WHRN: variants seen among roughly 807,000 people sequenced by gnomAD.
The protein encoded by WHRN is whirlin.
A neutral mutation model predicts 68.3 loss-of-function variants in WHRN; 41 were observed. The observed-to-expected ratio is 0.60, with a 90% CI of 0.47 to 0.78. The LOEUF (loss-of-function observed/expected upper bound fraction) is 0.78. Ranked by LOEUF, WHRN falls within the 30% of genes least tolerant of loss-of-function variation. WHRN has a pLI of 0.00. For synonymous variants in WHRN, 560 were observed against 561.3 expected (o/e 1.00, Z 0.03); for missense variants, 1,243 against 1,244.7 (o/e 1.00, Z 0.02).
intron 1 of WHRN, among the ~76,000 whole-genome samples, chr9:114,491,179 G>A (rs1283360980): frequency 1.3e-5 from 2 of 152,134 alleles, no homozygotes; most frequent in Non-Finnish European, 2.9e-5. Flanking sequence ...GAATAGATAC[G>A]TTGATGGGAT....
In WHRN at chr9:114,402,694, G is replaced by A. The variant is rs1431207810; in HGVS notation, c.*60C>T. ...CCGCAAGGAGCTTGATGAAGCCAAC[G>A]GTGGAAAGGGACTGGGACCAGGGGC... On this transcript the variant is annotated 3_prime_UTR_variant, in exon 12 of 12. Coordinates refer to ENST00000362057, the MANE Select transcript of WHRN (RefSeq NM_015404.4). The A allele has an allele frequency of 5.6e-6, 9 of 1,605,596 alleles. No homozygotes were observed. The East Asian group carries it at 1.6e-4, about 28-fold the overall frequency.
intron 3 of WHRN, among the ~76,000 whole-genome samples, chr9:114,427,158 C>T (rs947533348): frequency 2.0e-5 from 3 of 152,180 alleles, no homozygotes; most frequent in East Asian, 1.9e-4. Context: ...CTTGGGAGTC[C>T]GAGGCAGGAG....
intron 6 of WHRN, among the ~76,000 whole-genome samples, 157 bp from the exon 7 acceptor site, chr9:114,423,680 C>T (rs1226382493): frequency 5.3e-5 from 8 of 152,148 alleles, no homozygotes; most frequent in Admixed American, 2.6e-4. Context: ...GGCCAAACAC[C>T]GTCACCTGGA....
chr9:114,438,519 C>T (rs1317274788), intron 3 of WHRN, among the ~76,000 whole-genome samples: 4 of 146,884 alleles, frequency 2.7e-5, no homozygotes, highest in African/African-American at 1.0e-4. Flanking sequence ...GTGGCGCAAT[C>T]TTGGCTCACT....
At chr9:114,425,420 G>A (rs1469451757) in intron 4 of WHRN, 1 of 533,152 alleles carries the variant, frequency 1.9e-6, no homozygotes. Context: ...CGCAGGTGCG[G>A]CTCAGCTCCA....
intron 1 of WHRN, among the ~76,000 whole-genome samples, chr9:114,499,716 T>C (rs1843760223): frequency 6.6e-6 from 1 of 152,252 alleles, no homozygotes; most frequent in Non-Finnish European, 1.5e-5. Flanking sequence ...GCAGGCAGGC[T>C]GTGTACCGCT....
At chr9:114,502,996 A>G (rs900860344) in intron 1 of WHRN, 3 of 349,188 alleles carry the variant, frequency 8.6e-6, no homozygotes, top group African/African-American at 6.6e-5. Context: ...AGAAGCTACA[A>G]AGAAGTTTCT....
intron 3 of WHRN, among the ~76,000 whole-genome samples, chr9:114,453,989 G>A (rs1457492127): frequency 2.0e-5 from 3 of 152,186 alleles, no homozygotes; most frequent in Admixed American, 1.3e-4. Context: ...TTTATACAAG[G>A]AATGCAAGGC....
At chr9:114,415,572 C>T (rs567151541) in intron 7 of WHRN, among the ~76,000 whole-genome samples, 1 of 152,292 alleles carries the variant, frequency 6.6e-6, no homozygotes, top group East Asian at 1.9e-4. Flanking sequence ...CCAAGTACCC[C>T]AGACTGGTCG....
chr9:114,457,892 G>A (rs1383835108), intron 3 of WHRN, among the ~76,000 whole-genome samples: 1 of 148,270 alleles, frequency 6.7e-6, no homozygotes, highest in Non-Finnish European at 1.5e-5. Context: ...CTCCAGCCTG[G>A]GCAACAGAGC....
At chr9:114,488,256 G>A (rs1564220364) in intron 1 of WHRN, among the ~76,000 whole-genome samples, 2 of 152,212 alleles carry the variant, frequency 1.3e-5, no homozygotes, top group African/African-American at 4.8e-5. Flanking sequence ...ATGAGAAAAT[G>A]TGCATAAAGC....
chr9:114,425,489 G>GTTT (rs1281307334), intron 4 of WHRN: 109 of 301,540 alleles, frequency 3.6e-4, no homozygotes, highest in African/African-American at 8.4e-4. Flanking sequence ...CAGAAATCCA[G>GTTT]TTTTTTTTTT....
intron 4 of WHRN, chr9:114,425,857 T>A (rs1040923596): frequency 1.3e-5 from 5 of 372,018 alleles, no homozygotes; most frequent in Non-Finnish European, 2.6e-5. Context: ...CCCCAAAGCA[T>A]CTCTCTCTTT....
chr9:114,493,228 G>T (rs1843140648), intron 1 of WHRN, among the ~76,000 whole-genome samples: 1 of 151,742 alleles, frequency 6.6e-6, no homozygotes, highest in Non-Finnish European at 1.5e-5. Flanking sequence ...GTGCACACCT[G>T]TAGTCCCAGC....
At chr9:114,425,894 CA>C (rs1836807564) in intron 4 of WHRN, 13 of 424,466 alleles carry the variant, frequency 3.1e-5, no homozygotes, top group South Asian at 2.8e-4. Context: ...CTTTCATCTG[CA>C]CAGATCTGGG....
chr9:114,412,178 G>A (rs1404891784), intron 7 of WHRN, among the ~76,000 whole-genome samples: 2 of 152,224 alleles, frequency 1.3e-5, no homozygotes, highest in African/African-American at 2.4e-5. Context: ...GAATCCAGAC[G>A]CTCAGGAGTC....
In WHRN at chr9:114,402,095, T is replaced by C. The variant is rs1834735605; in HGVS notation, c.*659A>G. On this transcript the variant is annotated 3_prime_UTR_variant, in exon 12 of 12. Transcript: ENST00000362057. Reference sequence around the variant, plus strand: ...CGCTGACGTCTAACCTTGTTCAGATTTCTTTATTGAAAAATTAAAGTCATA... The same window carrying C: ...CGCTGACGTCTAACCTTGTTCAGATCTCTTTATTGAAAAATTAAAGTCATA... The C allele has an allele frequency of 6.5e-6, 1 of 154,504 alleles. No individual in the cohort carries two copies. Among genetic ancestry groups the C allele is most frequent in the South Asian group, 2.0e-4 (1 of 4,944 alleles). 9.6% of individuals were successfully genotyped at this position (154,504 alleles called of 1,614,324 possible).
chr9:114,498,910 A>C (rs1843688497), intron 1 of WHRN, among the ~76,000 whole-genome samples: 1 of 152,192 alleles, frequency 6.6e-6, no homozygotes, highest in South Asian at 2.1e-4. Context: ...AGCACATAGT[A>C]GGTAATCGTT....
At chr9:114,432,549 C>T (rs1337832591) in intron 3 of WHRN, among the ~76,000 whole-genome samples, 1 of 152,188 alleles carries the variant, frequency 6.6e-6, no homozygotes, top group Non-Finnish European at 1.5e-5. Flanking sequence ...GAGTCTCTGA[C>T]TAATTCTACA....
Sources: gnomAD v4.1 joint callset for allele counts (sites outside exome capture counted in the v4.1 genomes callset) on GRCh38, gnomAD v4.1.1 for gene constraint, MANE v1.5 for transcripts, NCBI Gene and HGNC (gene_info 2026-07-23, HGNC 2026-07-21) for gene names.